The following CNTNAP2 variants were observed in gnomAD, a reference collection of about 807,000 sequenced individuals.
CNTNAP2 encodes contactin associated protein 2, also known as contactin-associated protein-like 2.
In CNTNAP2, 98 loss-of-function variants were observed where a neutral mutation model predicts 155.2. The ratio of observed to expected loss-of-function variants is 0.63; its 90% CI spans 0.54 to 0.75. The LOEUF (loss-of-function observed/expected upper bound fraction) is 0.75, where lower values mean the gene tolerates loss of function less well. Ranked by LOEUF, CNTNAP2 falls within the 30% of genes least tolerant of loss-of-function variation. The pLI is 0.00. For synonymous variants in CNTNAP2, 651 were observed against 631.2 expected, an observed-to-expected ratio of 1.03 and a Z score of -0.47; for missense variants, 1,727 against 1,688.1, an observed-to-expected ratio of 1.02 and a Z score of -0.40.
chr7:148,204,280 G>A (rs762885978), intron 18 of CNTNAP2, among the ~76,000 whole-genome samples: 2 of 152,090 alleles, frequency 1.3e-5, no homozygotes, highest in Non-Finnish European at 2.9e-5. Flanking sequence ...GTGATGAGTT[G>A]GAATATTTAG....
chr7:147,970,505 A>G (rs574766769), intron 14 of CNTNAP2, among the ~76,000 whole-genome samples: 126 of 152,280 alleles, frequency 8.3e-4, no homozygotes, highest in Middle Eastern at 6.8e-3. Flanking sequence ...TGCGCAGATC[A>G]CTTAAGTCAG....
chr7:148,282,141 A>G (rs1262856427), intron 21 of CNTNAP2, among the ~76,000 whole-genome samples: 1 of 152,188 alleles, frequency 6.6e-6, no homozygotes, highest in Non-Finnish European at 1.5e-5. Context: ...TATTTTCAAT[A>G]TAATATACTG....
intron 1 of CNTNAP2, among the ~76,000 whole-genome samples, chr7:146,183,480 T>G (rs1798578001): frequency 6.6e-6 from 1 of 151,956 alleles, no homozygotes; most frequent in Non-Finnish European, 1.5e-5. Context: ...TATGGTATGA[T>G]GAAAACTGGT....
chr7:147,686,737 G>A (rs1796022223), intron 13 of CNTNAP2, among the ~76,000 whole-genome samples: 1 of 151,918 alleles, frequency 6.6e-6, no homozygotes, highest in Admixed American at 6.6e-5. Context: ...CTAAAGTGAT[G>A]CAATGATATT....
intron 22 of CNTNAP2, among the ~76,000 whole-genome samples, chr7:148,394,716 A>C (rs1218558823): frequency 6.6e-6 from 1 of 152,222 alleles, no homozygotes; most frequent in East Asian, 1.9e-4. Context: ...GCAAATGCAG[A>C]TTCAGCTGGT....
chr7:148,276,590 G>A (rs972480053), intron 21 of CNTNAP2, among the ~76,000 whole-genome samples: 25 of 152,234 alleles, frequency 1.6e-4, no homozygotes, highest in African/African-American at 5.1e-4. Flanking sequence ...AGTGGTTCCT[G>A]GAGCAGGACT....
At chr7:147,304,426 A>G (rs1453549886) in intron 9 of CNTNAP2, among the ~76,000 whole-genome samples, 1 of 152,254 alleles carries the variant, frequency 6.6e-6, no homozygotes, top group Non-Finnish European at 1.5e-5. Context: ...TTTCTGATAC[A>G]GGCCGGAATC....
intron 1 of CNTNAP2, among the ~76,000 whole-genome samples, chr7:146,652,477 G>T (rs1799932626): frequency 6.6e-6 from 1 of 152,048 alleles, no homozygotes; most frequent in Admixed American, 6.6e-5. Flanking sequence ...TTTTTGACAG[G>T]TATGATTAGT....
intron 18 of CNTNAP2, among the ~76,000 whole-genome samples, chr7:148,212,590 T>C (rs533444975): frequency 2.4e-4 from 37 of 152,204 alleles, no homozygotes; most frequent in Non-Finnish European, 5.1e-4. Flanking sequence ...GTACAAAACC[T>C]TAAACCAAGC....
intron 3 of CNTNAP2, among the ~76,000 whole-genome samples, chr7:146,893,740 A>AT (rs1795824374): frequency 6.6e-6 from 1 of 152,162 alleles, no homozygotes; most frequent in Non-Finnish European, 1.5e-5. Context: ...GAATCCAGCC[A>AT]TTTTTCCTAC....
intron 10 of CNTNAP2, among the ~76,000 whole-genome samples, chr7:147,474,183 C>T (rs958428658): frequency 6.6e-6 from 1 of 151,870 alleles, no homozygotes; most frequent in Non-Finnish European, 1.5e-5. Flanking sequence ...TGCAGGAATC[C>T]AGGGCTGGCA....
intron 1 of CNTNAP2, among the ~76,000 whole-genome samples, chr7:146,609,892 A>G (rs1799106308): frequency 6.6e-6 from 1 of 152,172 alleles, no homozygotes; most frequent in South Asian, 2.1e-4. Context: ...GCATGCTTAT[A>G]AGACCAGAAA....
At chr7:147,749,928 TACAC>T (rs1797107433) in intron 13 of CNTNAP2, among the ~76,000 whole-genome samples, 1 of 152,208 alleles carries the variant, frequency 6.6e-6, no homozygotes, top group Non-Finnish European at 1.5e-5. Flanking sequence ...TTTGATCAAA[TACAC>T]ACAAATATAT....
intron 8 of CNTNAP2, among the ~76,000 whole-genome samples, chr7:147,195,065 A>C (rs1457145263): frequency 6.6e-6 from 1 of 152,146 alleles, no homozygotes; most frequent in Non-Finnish European, 1.5e-5. Context: ...TTTTACATTT[A>C]AGTCTTTAAT....
At chr7:148,020,356 G>T (rs544106362) in intron 15 of CNTNAP2, among the ~76,000 whole-genome samples, 1 of 152,170 alleles carries the variant, frequency 6.6e-6, no homozygotes, top group South Asian at 2.1e-4. Context: ...ACTAGTCTCC[G>T]ATTAACTACA....
intron 8 of CNTNAP2, among the ~76,000 whole-genome samples, chr7:147,282,792 C>T (rs1184002578): frequency 1.3e-5 from 2 of 151,780 alleles, no homozygotes; most frequent in African/African-American, 4.8e-5. Context: ...ATGGGGGTCT[C>T]ACTCTGTTGT....
chr7:147,220,710 C>T (rs1422725172), intron 8 of CNTNAP2, among the ~76,000 whole-genome samples: 1 of 151,262 alleles, frequency 6.6e-6, no homozygotes, highest in East Asian at 1.9e-4. Flanking sequence ...AATTACACTT[C>T]TTTTTTTTTA....
chr7:146,914,764 G>A (rs77406437), intron 3 of CNTNAP2, among the ~76,000 whole-genome samples: 1 of 152,048 alleles, frequency 6.6e-6, no homozygotes, highest in African/African-American at 2.4e-5. Flanking sequence ...TCACTCTGCT[G>A]ATTATTTCTT....
intron 1 of CNTNAP2, among the ~76,000 whole-genome samples, chr7:146,275,325 A>G (rs1392871244): frequency 6.6e-6 from 1 of 152,220 alleles, no homozygotes; most frequent in Non-Finnish European, 1.5e-5. Flanking sequence ...ACAAGACTAT[A>G]GTGACCATGA....
Sources: gnomAD v4.1 joint callset for allele counts (sites outside exome capture counted in the v4.1 genomes callset) on GRCh38, gnomAD v4.1.1 for gene constraint, MANE v1.5 for transcripts, NCBI Gene and HGNC (gene_info 2026-07-23, HGNC 2026-07-21) for gene names.